FOXJ1: variants seen among roughly 807,000 people sequenced by gnomAD.
The protein encoded by FOXJ1 is forkhead box J1.
In FOXJ1, 8 loss-of-function variants were observed where a neutral mutation model predicts 29.3. The ratio of observed to expected loss-of-function variants is 0.27; its 90% CI spans 0.16 to 0.49. The LOEUF (loss-of-function observed/expected upper bound fraction) is 0.49, where lower values mean the gene tolerates loss of function less well. FOXJ1 is among the 20% of genes least tolerant of loss of function. The pLI, the probability that FOXJ1 is intolerant of heterozygous loss-of-function variation, is 0.98. For synonymous variants in FOXJ1, 280 were observed against 278.7 expected (o/e 1.00, Z -0.05); for missense variants, 539 against 595.5 (o/e 0.91, Z 0.99).
rs2068503035 is a variant in FOXJ1, at chr17:76,139,749, G to A, written c.498+149C>T. ...GAAGTCAAAGGAGGGGCAGTTGCAA[G>A]AACTGGGCTCCTTTGCAGGGCTCCC... On this transcript the variant is annotated intron_variant, in intron 2 of 2. Transcript: ENST00000322957. The surrounding 1 kb of genome is among the most constrained non-coding windows in gnomAD (Gnocchi z 6.6). 1.3e-6 allele frequency: 1 copy of A among 756,890 alleles called. No individual in the cohort carries two copies. The highest frequency in any genetic ancestry group is 1.8e-5 in the African/African-American group (1 of 56,946). 46.9% of individuals were successfully genotyped at this position (756,890 alleles called of 1,614,324 possible). A position where few individuals can be genotyped will look rare whatever the true frequency, so the allele number is the denominator to read the frequency against.
rs1402094553 is a variant in FOXJ1, at chr17:76,139,810, G to A, written c.498+88C>T. The A allele has an allele frequency of 6.3e-6, 9 of 1,436,794 alleles. No individual in the cohort carries two copies. The East Asian group carries it at 2.0e-4, about 32-fold the overall frequency. The allele number at this position is 1,436,794 out of a possible 1,614,324, so 89.0% of individuals were successfully genotyped here. The stretch of plus-strand genomic sequence containing the variant: ...CTGGCCGCACCGCAGAGCCTACTTG[G>A]CCTGCAGATTTGGGATATGAATCCA... On this transcript the variant is annotated intron_variant, in intron 2 of 2. Coordinates refer to ENST00000322957, the MANE Select transcript of FOXJ1 (RefSeq NM_001454.4). This position sits in a 1 kb window ranked among gnomAD's most constrained non-coding sequence, Gnocchi z 6.6.
rs765575443 is a variant in FOXJ1 at position 76,137,617 on chromosome 17, C to T, written c.1002G>A (p.Pro334=). The T allele has an allele frequency of 2.5e-5, 40 of 1,587,974 alleles. No homozygotes were observed. The Middle Eastern group carries it at 5.0e-4, about 20-fold the overall frequency. The change falls in exon 3 of 3, where the codon CCG becomes CCA. Residue 334 remains proline (P), a synonymous_variant. Transcript: ENST00000322957. This position sits in a 1 kb window ranked among gnomAD's most constrained non-coding sequence, Gnocchi z 9.5. ...CCACGTGTGAGGCGGGGCTCAGAGG[C>T]GGGCTCAGCTCCAGGGCCTCCAGTG... ...LGALEALELS[P]PLSPASHVDV... is the part of the protein sequence containing the mutation.
At position 76,138,019 on chromosome 17, in the gene FOXJ1, C is replaced by G; in HGVS notation, c.600G>C (p.Gln200His). 1 of 1,613,738 alleles carries G rather than the reference C, an allele frequency of 6.2e-7. No homozygotes were observed. Among genetic ancestry groups the G allele is most frequent in the Non-Finnish European group, 8.5e-7 (1 of 1,179,948 alleles). Residue 200 changes from glutamine to histidine, a missense_variant, in exon 3 of 3, where the codon CAG becomes CAC. Transcript: ENST00000322957. ...CGCCGCTCAGTAGCCGCTCCGCGTA[C>G]TGGGGGTCAATGCGCCAGAAGCCCC... ...GKGGFWRIDP[Q>H]YAERLLSGAF...
Position 76,137,271 on chromosome 17 carries a change from G to T in FOXJ1, c.*82C>A. 2 of 1,231,824 alleles carry T rather than the reference G, an allele frequency of 1.6e-6. No homozygotes were observed. Among genetic ancestry groups the T allele is most frequent in the Non-Finnish European group, 2.1e-6 (2 of 940,002 alleles). 76.3% of individuals were successfully genotyped at this position (1,231,824 alleles called of 1,614,324 possible). On this transcript the variant is annotated 3_prime_UTR_variant, in exon 3 of 3. Transcript: ENST00000322957. The surrounding 1 kb of genome is among the most constrained non-coding windows in gnomAD (Gnocchi z 9.5). ...CTGGCCCAGCCCCTGCCTAGGTGGT[G>T]GGGTGTCTGTGGACCTGTGTTGGGG... is the stretch of plus-strand genomic sequence containing the variant.
intron 2 of FOXJ1, among the ~76,000 whole-genome samples, chr17:76,138,553 A>G (rs1231147343): frequency 6.6e-6 from 1 of 151,914 alleles, no homozygotes; most frequent in Non-Finnish European, 1.5e-5. Flanking sequence ...GGGGCTGGGC[A>G]GCCGAGAGTG....
In FOXJ1 at chr17:76,140,557, T is replaced by C. The variant is rs1598374386; in HGVS notation, c.-162A>G. Reference sequence around the variant, plus strand: ...CGGGGGCGCCTCCTCCGAATAAGTATGTGGTGCCTGCGAGGACCACGGTGG... The same window carrying C: ...CGGGGGCGCCTCCTCCGAATAAGTACGTGGTGCCTGCGAGGACCACGGTGG... On this transcript the variant is annotated 5_prime_UTR_variant, in exon 2 of 3. Transcript: ENST00000322957. This position sits in a 1 kb window ranked among gnomAD's most constrained non-coding sequence, Gnocchi z 8.0. 14 of 603,660 alleles carry C rather than the reference T, an allele frequency of 2.3e-5. No individual in the cohort carries two copies. The highest frequency in any genetic ancestry group is 3.7e-5 in the Non-Finnish European group (14 of 373,464). 37.4% of individuals were successfully genotyped at this position (603,660 alleles called of 1,614,324 possible).
At position 76,136,563 on chromosome 17, in the gene FOXJ1, C is replaced by T. The variant is rs2068480937; in HGVS notation, c.*790G>A. 1.3e-5 allele frequency: 2 copies of T among 152,158 alleles called. No individual in the cohort carries two copies. The highest frequency in any genetic ancestry group is 6.5e-5 in the Admixed American group (1 of 15,274). 9.4% of individuals were successfully genotyped at this position (152,158 alleles called of 1,614,324 possible). A position where few individuals can be genotyped will look rare whatever the true frequency, so the allele number is the denominator to read the frequency against. ...CTCGGCATCCCTCCCAGTTAAGCCT[C>T]AGCTACAGCTACACTCACTACATTA... is the stretch of plus-strand genomic sequence containing the variant. On this transcript the variant is annotated 3_prime_UTR_variant, in exon 3 of 3. Transcript: ENST00000322957. The surrounding 1 kb of genome is among the most constrained non-coding windows in gnomAD (Gnocchi z 4.9).
Position 76,140,419 on chromosome 17 carries a change from G to T in FOXJ1, c.-24C>A. 1 of 1,414,386 alleles carries T rather than the reference G, an allele frequency of 7.1e-7. No individual in the cohort carries two copies. The highest frequency in any genetic ancestry group is 1.5e-5 in the South Asian group (1 of 66,220). The allele number at this position is 1,414,386 out of a possible 1,614,324, so 87.6% of individuals were successfully genotyped here. On this transcript the variant is annotated 5_prime_UTR_variant, in exon 2 of 3. Coordinates refer to ENST00000322957, the MANE Select transcript of FOXJ1 (RefSeq NM_001454.4). The surrounding 1 kb of genome is among the most constrained non-coding windows in gnomAD (Gnocchi z 8.0). The stretch of plus-strand genomic sequence containing the variant: ...ATGTCTGCGGGGACTCTCCGAGGGG[G>T]CGGTCAGCATCCACGGGCTGAGCCG...
Position 76,137,211 on chromosome 17 carries a change from G to GT in FOXJ1, c.*141dup. 1 of 673,878 alleles carries GT rather than the reference G, an allele frequency of 1.5e-6. No individual in the cohort carries two copies. The allele number at this position is 673,878 out of a possible 1,614,324, so 41.7% of individuals were successfully genotyped here. On this transcript the variant is annotated 3_prime_UTR_variant, in exon 3 of 3. Transcript: ENST00000322957. The surrounding 1 kb of genome is among the most constrained non-coding windows in gnomAD (Gnocchi z 9.5). ...TTGAATCTGATGGCAGCTGGGGCTG[G>GT]TGGCCATGTGGCCTCTGGGGCAAGC...
At position 76,138,091 on chromosome 17, in the gene FOXJ1, G is replaced by C. The variant is rs199714537; in HGVS notation, c.528C>G (p.Asn176Lys). The C allele has an allele frequency of 5.0e-6, 8 of 1,613,904 alleles. No homozygotes were observed. In the Admixed American group the frequency reaches 1.0e-4, roughly 20 times the overall value. ...QNSIRHNLSL[N>K]KCFIKVPREK... ...CCCGAGGCACTTTGATGAAGCACTT[G>C]TTCAGAGACAGGTTGTGGCGGATTG... Residue 176 changes from asparagine to lysine, a missense_variant, in exon 3 of 3, where the codon AAC (asparagine) becomes AAG (lysine). Asn to Lys is a moderately conservative substitution (Grantham distance 94). Transcript: ENST00000322957.
In FOXJ1 at chr17:76,140,074, G is replaced by A. The variant is rs137872239; in HGVS notation, c.322C>T (p.Pro108Ser). ...RSAPPGLQAP[P>S]PDDVDYATNP... ...GTGGCGTAGTCCACGTCGTCGGGGG[G>A]TGGGGCCTGCAGCCCCGGGGGCGCG... Residue 108 changes from proline (P) to serine (S), a missense_variant, in exon 2 of 3, where the codon CCC becomes TCC. Transcript: ENST00000322957. This position sits in a 1 kb window ranked among gnomAD's most constrained non-coding sequence, Gnocchi z 8.0. The A allele has an allele frequency of 2.2e-5, 35 of 1,606,470 alleles. No homozygotes were observed. Among genetic ancestry groups the A allele is most frequent in the Middle Eastern group, 3.3e-4 (2 of 6,076 alleles).
rs941751440 is a variant in FOXJ1 at position 76,140,391 on chromosome 17, G to T, written c.5C>A (p.Ala2Glu). The T allele has an allele frequency of 3.1e-5, 45 of 1,468,566 alleles. No homozygotes were observed. Among genetic ancestry groups the T allele is most frequent in the Non-Finnish European group, 3.7e-5 (41 of 1,119,728 alleles). The allele number at this position is 1,468,566 out of a possible 1,614,324, so 91.0% of individuals were successfully genotyped here. Reference sequence around the variant, plus strand: ...TCCCGAGAGGCGCAGCCAGCTCTCCGCCATGTCTGCGGGGACTCTCCGAGG... The same window carrying T: ...TCCCGAGAGGCGCAGCCAGCTCTCCTCCATGTCTGCGGGGACTCTCCGAGG... Reference protein sequence around the residue: MAESWLRLSGAG... With the variant: MEESWLRLSGAG... Residue 2 changes from alanine (A) to glutamate (E), a missense_variant, in exon 2 of 3, where the codon GCG becomes GAG. Physicochemically the swap from Ala to Glu is moderately radical, Grantham distance 107 (BLOSUM62 -1). This residue lies in a region of FOXJ1 where 59 missense variants were observed against 47.5 expected (regional missense o/e 1.24). Transcript: ENST00000322957. This position sits in a 1 kb window ranked among gnomAD's most constrained non-coding sequence, Gnocchi z 8.0.
At position 76,139,811 on chromosome 17, in the gene FOXJ1, C is replaced by A. The variant is rs2068503473; in HGVS notation, c.498+87G>T. 7 of 1,446,844 alleles carry A rather than the reference C, an allele frequency of 4.8e-6. No individual in the cohort carries two copies. Among genetic ancestry groups the A allele is most frequent in the Non-Finnish European group, 6.6e-6 (7 of 1,063,676 alleles). 89.6% of individuals were successfully genotyped at this position (1,446,844 alleles called of 1,614,324 possible). On this transcript the variant is annotated intron_variant, in intron 2 of 2. Coordinates refer to ENST00000322957, the MANE Select transcript of FOXJ1 (RefSeq NM_001454.4). This position sits in a 1 kb window ranked among gnomAD's most constrained non-coding sequence, Gnocchi z 6.6. ...TGGCCGCACCGCAGAGCCTACTTGG[C>A]CTGCAGATTTGGGATATGAATCCAG... is the stretch of plus-strand genomic sequence containing the variant.
In FOXJ1 at chr17:76,140,560, G is replaced by A. The variant is rs1185891155; in HGVS notation, c.-165C>T. 1.7e-6 allele frequency: 1 copy of A among 602,204 alleles called. No individual in the cohort carries two copies. The highest frequency in any genetic ancestry group is 2.0e-5 in the African/African-American group (1 of 50,662). 37.3% of individuals were successfully genotyped at this position (602,204 alleles called of 1,614,324 possible). A position where few individuals can be genotyped will look rare whatever the true frequency, so the allele number is the denominator to read the frequency against. On this transcript the variant is annotated 5_prime_UTR_variant, in exon 2 of 3. Coordinates refer to ENST00000322957, the MANE Select transcript of FOXJ1 (RefSeq NM_001454.4). The surrounding 1 kb of genome is among the most constrained non-coding windows in gnomAD (Gnocchi z 8.0). ...GGGCGCCTCCTCCGAATAAGTATGT[G>A]GTGCCTGCGAGGACCACGGTGGGAG...
At position 76,139,991 on chromosome 17, in the gene FOXJ1, C is replaced by T; in HGVS notation, c.405G>A (p.Gln135=). 2 of 1,613,830 alleles carry T rather than the reference C, an allele frequency of 1.2e-6. No individual in the cohort carries two copies. The highest frequency in any genetic ancestry group is 1.7e-6 in the Non-Finnish European group (2 of 1,179,970). ...SYATLICMAM[Q]ASKATKITLS... is the part of the protein sequence containing the mutation. ...GGGTGATCTTGGTGGCCTTGCTGGC[C>T]TGCATGGCCATGCAGATGAGCGTGG... The change falls in exon 2 of 3, where the codon CAG becomes CAA. Residue 135 remains glutamine (Q), a synonymous_variant. Coordinates refer to ENST00000322957, the MANE Select transcript of FOXJ1 (RefSeq NM_001454.4). This position sits in a 1 kb window ranked among gnomAD's most constrained non-coding sequence, Gnocchi z 6.6.
In FOXJ1 at chr17:76,140,107, A is replaced by T. The variant is rs753539463; in HGVS notation, c.289T>A (p.Ser97Thr). 154 of 1,598,082 alleles carry T rather than the reference A, an allele frequency of 9.6e-5. No homozygotes were observed. The highest frequency in any genetic ancestry group is 1.2e-4 in the Non-Finnish European group (145 of 1,177,802). The change falls in exon 2 of 3, where the codon TCG (serine) becomes ACG (threonine). Residue 97 changes from serine (S) to threonine (T), a missense_variant. Around this residue, in one of 3 missense-constraint regions of FOXJ1, gnomAD observed 178 missense variants for 254.4 expected, o/e 0.70. Coordinates refer to ENST00000322957, the MANE Select transcript of FOXJ1 (RefSeq NM_001454.4). The surrounding 1 kb of genome is among the most constrained non-coding windows in gnomAD (Gnocchi z 8.0). ...TGCAGCCCCGGGGGCGCGCTCCGCGACGTGCACGACGACGTGGGCTTGCCC... is the reference window on the plus strand; with the variant it reads ...TGCAGCCCCGGGGGCGCGCTCCGCGTCGTGCACGACGACGTGGGCTTGCCC... ...TPGKPTSSCTSRSAPPGLQAP... is the reference protein window; with the variant it reads ...TPGKPTSSCTTRSAPPGLQAP...
At position 76,137,914 on chromosome 17, in the gene FOXJ1, G is replaced by T; in HGVS notation, c.705C>A (p.Val235=). The change falls in exon 3 of 3, where the codon GTC becomes GTA. Residue 235 remains valine, a synonymous_variant. Transcript: ENST00000322957. The surrounding 1 kb of genome is among the most constrained non-coding windows in gnomAD (Gnocchi z 9.5). ...ARQAAQEPSA[V]PRAGPLTVNT... Reference sequence around the variant, plus strand: ...TCACCGTCAGCGGCCCGGCCCGGGGGACAGCGCTGGGCTCCTGCGCGGCCT... The same window carrying T: ...TCACCGTCAGCGGCCCGGCCCGGGGTACAGCGCTGGGCTCCTGCGCGGCCT... 6.4e-7 allele frequency: 1 copy of T among 1,566,730 alleles called. No homozygotes were observed. The highest frequency in any genetic ancestry group is 8.6e-7 in the Non-Finnish European group (1 of 1,156,082).
Position 76,139,313 on chromosome 17 carries a change from C to A in FOXJ1, c.498+585G>T, listed in dbSNP as rs375451048. 1.3e-4 allele frequency among the ~76,000 whole-genome samples: 20 copies of A among 152,174 alleles called. No homozygotes were observed. The highest frequency in any genetic ancestry group is 1.0e-3 in the Admixed American group (16 of 15,286). The stretch of plus-strand genomic sequence containing the variant: ...ACTGAGCAGAGGTTGAGGTGGGGGG[C>A]TGGGACAGCAGCTTTAGGAAGGCCC... On this transcript the variant is annotated intron_variant, in intron 2 of 2. Transcript: ENST00000322957. This position sits in a 1 kb window ranked among gnomAD's most constrained non-coding sequence, Gnocchi z 6.6.
At position 76,140,334 on chromosome 17, in the gene FOXJ1, C is replaced by T; in HGVS notation, c.62G>A (p.Gly21Asp). 1 of 1,498,044 alleles carries T rather than the reference C, an allele frequency of 6.7e-7. No individual in the cohort carries two copies. The highest frequency in any genetic ancestry group is 8.8e-7 in the Non-Finnish European group (1 of 1,130,746). 92.8% of individuals were successfully genotyped at this position (1,498,044 alleles called of 1,614,324 possible). Residue 21 changes from glycine to aspartate, a missense_variant, in exon 2 of 3, where the codon GGC becomes GAC. By Grantham distance (94) the Gly-to-Asp change is moderately conservative. Around this residue, in one of 3 missense-constraint regions of FOXJ1, gnomAD observed 59 missense variants for 47.5 expected, o/e 1.24. Transcript: ENST00000322957. The surrounding 1 kb of genome is among the most constrained non-coding windows in gnomAD (Gnocchi z 8.0). ...CAGGGCGTCGGGCTCCTCCAGGCCG[C>T]CCTCCGGCCCGGCCTCCTCCGCCGG... ...AGPAEEAGPE[G>D]GLEEPDALDD... is the part of the protein sequence containing the mutation.
Sources: gnomAD v4.1 joint callset for allele counts (sites outside exome capture counted in the v4.1 genomes callset) on GRCh38, gnomAD v4.1.1 for gene constraint, gnomAD v4.1.1 regional missense constraint, Gnocchi (gnomAD v3.1) non-coding constraint, MANE v1.5 for transcripts, NCBI Gene and HGNC (gene_info 2026-07-23, HGNC 2026-07-21) for gene names.